The following DOK6 variants were observed in gnomAD, a reference collection of about 807,000 sequenced individuals.
DOK6 encodes the protein docking protein 6.
A neutral mutation model predicts 44.0 loss-of-function variants in DOK6; 22 were observed. The observed-to-expected ratio is 0.50, with a 90% CI of 0.36 to 0.71. The LOEUF is 0.71. Among genes scored for constraint, DOK6 ranks in the 30% least tolerant of loss-of-function variants. The pLI is 0.00. For missense variants in DOK6, 340 were observed against 416.4 expected (o/e 0.82, Z 1.60); for synonymous variants, 166 against 145.5 (o/e 1.14, Z -1.01).
intron 2 of DOK6, among the ~76,000 whole-genome samples, chr18:69,597,804 C>T (rs1004711424): frequency 6.6e-6 from 1 of 152,168 alleles, no homozygotes; most frequent in Non-Finnish European, 1.5e-5. Context: ...AGTTTTCACC[C>T]CTCTGCACAT....
chr18:69,461,424 C>G (rs1264165034), intron 1 of DOK6, among the ~76,000 whole-genome samples: 1 of 152,194 alleles, frequency 6.6e-6, no homozygotes, highest in East Asian at 1.9e-4. Flanking sequence ...AGGGGCTCCT[C>G]AGTTCCTGAT....
chr18:69,569,870 A>G (rs1568299396), intron 2 of DOK6, among the ~76,000 whole-genome samples: 1 of 152,170 alleles, frequency 6.6e-6, no homozygotes, highest in Non-Finnish European at 1.5e-5. Context: ...GTGGCCATGA[A>G]AAAAGAACAA....
chr18:69,689,142 A>C lies in DOK6; in HGVS notation c.410-9262A>C, dbSNP rs1475234363. On this transcript the variant is annotated intron_variant, in intron 4 of 7. Coordinates refer to ENST00000382713, the MANE Select transcript of DOK6 (RefSeq NM_152721.6). ...GTCCACAAGAACCTTGTAGAGAATAAGCAAAACTAACCTAAGAGTGTTAGA... is the reference window on the plus strand; with the variant it reads ...GTCCACAAGAACCTTGTAGAGAATACGCAAAACTAACCTAAGAGTGTTAGA... Among the ~76,000 whole-genome samples, 3 of 152,334 alleles carry C rather than the reference A, an allele frequency of 2.0e-5. No homozygotes were observed. In the East Asian group the frequency reaches 5.8e-4, roughly 29 times the overall value.
intron 3 of DOK6, among the ~76,000 whole-genome samples, chr18:69,665,410 G>T (rs560614280): frequency 6.6e-6 from 1 of 152,186 alleles, no homozygotes; most frequent in East Asian, 1.9e-4. Flanking sequence ...TTGATTATTT[G>T]TACCTAATTA....
intron 2 of DOK6, among the ~76,000 whole-genome samples, chr18:69,576,325 C>T (rs1193512670): frequency 1.3e-5 from 2 of 152,050 alleles, no homozygotes; most frequent in Non-Finnish European, 2.9e-5. Flanking sequence ...GAACTTGTAA[C>T]TAAGCAGTTA....
At chr18:69,588,795 T>C (rs1983562568) in intron 2 of DOK6, among the ~76,000 whole-genome samples, 1 of 149,112 alleles carries the variant, frequency 6.7e-6, no homozygotes, top group African/African-American at 2.4e-5. Flanking sequence ...AATATCATTA[T>C]GCATATAATT....
At chr18:69,774,108 T>C (rs1050899084) in intron 7 of DOK6, among the ~76,000 whole-genome samples, 2 of 73,192 alleles carry the variant, frequency 2.7e-5, no homozygotes, top group Non-Finnish European at 7.4e-5. Context: ...ATATATGAGA[T>C]AGATTTATAT....
At chr18:69,710,834 G>A (rs573248433) in intron 5 of DOK6, among the ~76,000 whole-genome samples, 9 of 152,306 alleles carry the variant, frequency 5.9e-5, no homozygotes, top group African/African-American at 2.2e-4. Context: ...TTACCATGAA[G>A]AGTTGACTTA....
At chr18:69,422,727 G>A (rs761776292) in intron 1 of DOK6, among the ~76,000 whole-genome samples, 6 of 152,152 alleles carry the variant, frequency 3.9e-5, no homozygotes, top group East Asian at 3.9e-4. Flanking sequence ...TTTACTGCTC[G>A]CTCAATTATC....
intron 1 of DOK6, among the ~76,000 whole-genome samples, chr18:69,431,652 A>G (rs1978809634): frequency 6.6e-6 from 1 of 152,106 alleles, no homozygotes; most frequent in African/African-American, 2.4e-5. Flanking sequence ...TTAATTTTTA[A>G]TTTCTCACCA....
chr18:69,471,140 T>TTGG (rs1980090382), intron 1 of DOK6, among the ~76,000 whole-genome samples: 1 of 141,426 alleles, frequency 7.1e-6, no homozygotes, highest in African/African-American at 2.5e-5. Flanking sequence ...TCCCAGCTAC[T>TTGG]CGGGAAGCTG....
intron 3 of DOK6, among the ~76,000 whole-genome samples, chr18:69,652,115 G>C (rs1281245514): frequency 6.6e-6 from 1 of 151,988 alleles, no homozygotes; most frequent in Non-Finnish European, 1.5e-5. Context: ...GAAAAATAAG[G>C]GTGTCCTTCT....
intron 1 of DOK6, among the ~76,000 whole-genome samples, chr18:69,478,713 A>G (rs1250118939): frequency 3.3e-5 from 5 of 152,168 alleles, no homozygotes; most frequent in Admixed American, 3.3e-4. Flanking sequence ...TATTTATCCA[A>G]TATCCTCTAA....
chr18:69,756,425 C>G (rs1979356771), intron 6 of DOK6, among the ~76,000 whole-genome samples: 1 of 152,096 alleles, frequency 6.6e-6, no homozygotes, highest in Non-Finnish European at 1.5e-5. Context: ...TGGGAGCCAT[C>G]TTTAAAAAAA....
intron 1 of DOK6, among the ~76,000 whole-genome samples, chr18:69,513,311 C>G (rs1437249565): frequency 3.3e-5 from 5 of 152,184 alleles, no homozygotes; most frequent in Admixed American, 3.3e-4. Context: ...AGTTTCTAGC[C>G]TGACTGCTAA....
intron 1 of DOK6, among the ~76,000 whole-genome samples, chr18:69,547,823 C>T (rs1206671417): frequency 6.6e-6 from 1 of 150,464 alleles, no homozygotes. Flanking sequence ...CTGTTCCTGG[C>T]TTATTTCACT....
chr18:69,512,257 C>A (rs1981387942), intron 1 of DOK6, among the ~76,000 whole-genome samples: 2 of 151,194 alleles, frequency 1.3e-5, no homozygotes, highest in African/African-American at 4.9e-5. Context: ...GCAATCGATG[C>A]TATCTTGAGC....
chr18:69,672,664 G>A (rs10451404), intron 3 of DOK6, among the ~76,000 whole-genome samples: 87,061 of 141,470 alleles, frequency 0.62, 26,234 homozygotes, highest in East Asian at 0.86. Flanking sequence ...GGCAGTGTTT[G>A]TGTTTTAACT....
Position 69,740,977 on chromosome 18 carries a change from T to C in DOK6, c.738+1874T>C, listed in dbSNP as rs143305930. Among the ~76,000 whole-genome samples, 471 of 152,344 alleles carry C rather than the reference T, an allele frequency of 3.1e-3. 1 individual carries two copies. The highest frequency in any genetic ancestry group is 5.7e-3 in the Non-Finnish European group (386 of 68,034). ...TTGATGTTGTTGTATGTTTCTCGTG[T>C]CCTGTGCCACTGAGAAGCAAGTCAA... On this transcript the variant is annotated intron_variant, in intron 6 of 7. Transcript: ENST00000382713.
Sources: gnomAD v4.1 joint callset for allele counts (sites outside exome capture counted in the v4.1 genomes callset) on GRCh38, gnomAD v4.1.1 for gene constraint, MANE v1.5 for transcripts, NCBI Gene and HGNC (gene_info 2026-07-23, HGNC 2026-07-21) for gene names.